CFAP20DC: variants seen among roughly 807,000 people sequenced by gnomAD.
The protein encoded by CFAP20DC is CFAP20 domain containing.
In CFAP20DC, 84 loss-of-function variants were observed where a neutral mutation model predicts 101.7. The ratio of observed to expected loss-of-function variants is 0.83; its 90% CI spans 0.69 to 0.99. CFAP20DC has a LOEUF of 0.99. Among genes scored for constraint, CFAP20DC ranks in the 50% least tolerant of loss-of-function variants. The pLI is 0.00. For missense variants in CFAP20DC, 1,007 were observed against 970.3 expected, an observed-to-expected ratio of 1.04 and a Z score of -0.50; for synonymous variants, 359 against 351.2, an observed-to-expected ratio of 1.02 and a Z score of -0.25.
chr3:58,741,461 T>G (rs1268220550), downstream of CFAP20DC, among the ~76,000 whole-genome samples: 6 of 152,090 alleles, frequency 3.9e-5, no homozygotes. Context: ...TAGATCTAGA[T>G]GAATCTATTA....
At chr3:58,800,311 C>G (rs2073597627) in intron 15 of CFAP20DC, among the ~76,000 whole-genome samples, 1 of 152,152 alleles carries the variant, frequency 6.6e-6, no homozygotes, top group Admixed American at 6.5e-5. Context: ...CAGACTATAG[C>G]AGTGAAAACA....
At chr3:58,758,768 A>G (rs1575566076) in intron 15 of CFAP20DC, among the ~76,000 whole-genome samples, 1 of 151,892 alleles carries the variant, frequency 6.6e-6, no homozygotes, top group East Asian at 1.9e-4. Flanking sequence ...ATTCCCACCT[A>G]TGAGGGAGAA....
intron 5 of CFAP20DC, among the ~76,000 whole-genome samples, chr3:58,933,898 A>G (rs977046282): frequency 2.0e-5 from 3 of 151,984 alleles, no homozygotes; most frequent in Non-Finnish European, 2.9e-5. Context: ...AAAAGCTAGC[A>G]GAAGGCGAGA....
intron 13 of CFAP20DC, among the ~76,000 whole-genome samples, chr3:58,848,162 T>C (rs1321990348): frequency 3.0e-5 from 1 of 33,710 alleles, no homozygotes; most frequent in Non-Finnish European, 5.0e-5. Flanking sequence ...AAACTTAAAG[T>C]ATAATTAAAA....
At chr3:58,832,012 T>A (rs1274122408) in intron 13 of CFAP20DC, 123 bp from the exon 14 acceptor site, 1 of 741,468 alleles carries the variant, frequency 1.3e-6, no homozygotes, top group Non-Finnish European at 2.3e-6. Flanking sequence ...ATCCCTAACA[T>A]GCCTCCATGC....
At chr3:58,835,105 C>T (rs2076648923) in intron 13 of CFAP20DC, among the ~76,000 whole-genome samples, 1 of 152,220 alleles carries the variant, frequency 6.6e-6, no homozygotes, top group East Asian at 1.9e-4. Flanking sequence ...CCCCCTTCTT[C>T]CAGTCTTTCA....
rs893454373 is a variant in CFAP20DC, at chr3:58,863,001, T to C, written c.1593+557A>G. On this transcript the variant is annotated intron_variant, in intron 12 of 16. Coordinates refer to ENST00000482387, the MANE Select transcript of CFAP20DC (RefSeq NM_001394063.1). This position sits in a 1 kb window ranked among gnomAD's most constrained non-coding sequence, Gnocchi z 5.9. ...AGGATATATCCATATTCTAAATAATTGCAAACAGAAAATCTCCTGTAAGGC... is the reference window on the plus strand; with the variant it reads ...AGGATATATCCATATTCTAAATAATCGCAAACAGAAAATCTCCTGTAAGGC... 2.0e-6 allele frequency: 2 copies of C among 981,748 alleles called. No individual in the cohort carries two copies. Among genetic ancestry groups the C allele is most frequent in the Non-Finnish European group, 2.4e-6 (2 of 826,478 alleles). 60.8% of individuals were successfully genotyped at this position (981,748 alleles called of 1,614,324 possible).
At chr3:58,848,538 A>T (rs1267145286) in intron 13 of CFAP20DC, among the ~76,000 whole-genome samples, 1 of 152,152 alleles carries the variant, frequency 6.6e-6, no homozygotes, top group African/African-American at 2.4e-5. Context: ...CAGCCACCAA[A>T]CTAGCCGAGG....
chr3:58,809,621 C>T (rs576967206), intron 14 of CFAP20DC, among the ~76,000 whole-genome samples: 2 of 151,752 alleles, frequency 1.3e-5, no homozygotes, highest in African/African-American at 4.8e-5. Context: ...AAATTGACAC[C>T]CTAACATCAC....
rs749469695 is a variant in CFAP20DC, at chr3:58,811,920, G to GA, written c.2176-5465dup. Among the ~76,000 whole-genome samples the GA allele has an allele frequency of 5.9e-5, 9 of 152,128 alleles. No individual in the cohort carries two copies. The South Asian group carries it at 6.2e-4, about 11-fold the overall frequency. ...GGACATGAACAGACACTTCTCAAAAGAGACATTTATGCAGCCAAAAAACAC... is the reference window on the plus strand; with the variant it reads ...GGACATGAACAGACACTTCTCAAAAGAAGACATTTATGCAGCCAAAAAACAC... On this transcript the variant is annotated intron_variant, in intron 14 of 16. Coordinates refer to ENST00000482387, the MANE Select transcript of CFAP20DC (RefSeq NM_001394063.1).
chr3:58,782,869 T>C (rs2071968948), intron 15 of CFAP20DC, among the ~76,000 whole-genome samples: 1 of 152,064 alleles, frequency 6.6e-6, no homozygotes. Context: ...ATGCAATCTC[T>C]ATCAAAATGC....
At chr3:58,806,722 C>G (rs942270278) in intron 14 of CFAP20DC, among the ~76,000 whole-genome samples, 3 of 152,194 alleles carry the variant, frequency 2.0e-5, no homozygotes, top group African/African-American at 7.2e-5. Context: ...GGGTGCAGGA[C>G]AGTGGGTGCA....
At chr3:59,037,278 A>T (rs1351889139) in intron 4 of CFAP20DC, among the ~76,000 whole-genome samples, 2 of 152,176 alleles carry the variant, frequency 1.3e-5, no homozygotes, top group Non-Finnish European at 2.9e-5. Flanking sequence ...AAAATTGACA[A>T]ATGGGATCTA....
chr3:58,954,581 C>A (rs1173384824), intron 4 of CFAP20DC, among the ~76,000 whole-genome samples: 1 of 152,114 alleles, frequency 6.6e-6, no homozygotes, highest in Admixed American at 6.5e-5. Context: ...TGGCTGTGTA[C>A]TGAGTTTAAC....
downstream of CFAP20DC, among the ~76,000 whole-genome samples, chr3:58,739,001 AAC>A (rs1227614469): frequency 6.6e-5 from 10 of 152,210 alleles, no homozygotes; most frequent in African/African-American, 9.6e-5. Flanking sequence ...ATTCTTATTA[AAC>A]ACAGTTTGCG....
chr3:58,732,334 T>G lies in CFAP20DC; in HGVS notation c.198-14706A>C, dbSNP rs13320108. On this transcript the variant is annotated intron_variant, in intron 3 of 3. Transcript: ENST00000486145. The surrounding 1 kb of genome is among the most constrained non-coding windows in gnomAD (Gnocchi z 5.4). ...TAACACAAAATGCATTTTTAAAAAC[T>G]ACTGAGCTTTGCATAGAAACCTAAG... Among the ~76,000 whole-genome samples, 1,356 of 152,328 alleles carry G rather than the reference T, an allele frequency of 8.9e-3. 20 individuals carry two copies. The highest frequency in any genetic ancestry group is 0.031 in the African/African-American group (1,309 of 41,570).
intron 13 of CFAP20DC, among the ~76,000 whole-genome samples, chr3:58,835,424 T>C (rs369628580): frequency 1.3e-5 from 2 of 152,306 alleles, no homozygotes; most frequent in African/African-American, 2.4e-5. Flanking sequence ...GCAGGCAGTA[T>C]TGAAGCTGAG....
intron 14 of CFAP20DC, among the ~76,000 whole-genome samples, chr3:58,815,052 C>T (rs1414525620): frequency 6.6e-6 from 1 of 151,618 alleles, no homozygotes; most frequent in Non-Finnish European, 1.5e-5. Context: ...ATCGCCAAAG[C>T]AATCCTAAGC....
chr3:58,753,701 G>A, intron 16 of CFAP20DC, 68 bp downstream of exon 16: 1 of 1,052,824 alleles, frequency 9.5e-7, no homozygotes, highest in Non-Finnish European at 1.4e-6. Flanking sequence ...ATCTCAAAGT[G>A]ATGGATTCTC....
Sources: gnomAD v4.1 joint callset for allele counts (sites outside exome capture counted in the v4.1 genomes callset) on GRCh38, gnomAD v4.1.1 for gene constraint, Gnocchi (gnomAD v3.1) non-coding constraint, MANE v1.5 for transcripts, NCBI Gene and HGNC (gene_info 2026-07-23, HGNC 2026-07-21) for gene names.